LUZP2: variants seen among roughly 807,000 people sequenced by gnomAD.
LUZP2 encodes the protein leucine zipper protein 2.
A neutral mutation model predicts 51.6 loss-of-function variants in LUZP2; 52 were observed. The ratio of observed to expected loss-of-function variants is 1.01; its 90% CI spans 0.81 to 1.27. The LOEUF is 1.27. Among genes scored for constraint, LUZP2 ranks in the 50% most tolerant of loss-of-function variants. The pLI is 0.00. For synonymous variants in LUZP2, 154 were observed against 137.3 expected, an observed-to-expected ratio of 1.12 and a Z score of -0.85; for missense variants, 436 against 395.4, an observed-to-expected ratio of 1.10 and a Z score of -0.87.
chr11:24,502,791 TTGTC>T (rs1303070785), intron 1 of LUZP2, among the ~76,000 whole-genome samples: 3 of 152,190 alleles, frequency 2.0e-5, no homozygotes, highest in Admixed American at 6.5e-5. Flanking sequence ...AAGTGAATAT[TTGTC>T]TGTTTGTATA....
intron 5 of LUZP2, among the ~76,000 whole-genome samples, chr11:24,775,849 T>C (rs972507260): frequency 6.6e-6 from 1 of 152,166 alleles, no homozygotes; most frequent in Non-Finnish European, 1.5e-5. Context: ...GTAAATATTA[T>C]TTTATGTACC....
intron 1 of LUZP2, among the ~76,000 whole-genome samples, chr11:24,687,903 C>T (rs919689123): frequency 1.3e-5 from 2 of 152,094 alleles, no homozygotes; most frequent in Non-Finnish European, 2.9e-5. Context: ...CCTCACTTCT[C>T]TAAGTTCTCT....
intron 9 of LUZP2, among the ~76,000 whole-genome samples, chr11:25,012,866 A>G (rs1245546100): frequency 6.6e-6 from 1 of 152,174 alleles, no homozygotes; most frequent in African/African-American, 2.4e-5. Flanking sequence ...GCATCGCACT[A>G]CTGGGTATCA....
At chr11:24,890,894 C>CTTTTTTTT (rs34323542) in intron 5 of LUZP2, 4 of 690,782 alleles carry the variant, frequency 5.8e-6, no homozygotes, top group Non-Finnish European at 6.8e-6. Flanking sequence ...AGTAAAAGTT[C>CTTTTTTTT]TTTTTTTTTT....
chr11:24,930,056 C>G (rs1342196163), intron 7 of LUZP2, among the ~76,000 whole-genome samples: 1 of 152,118 alleles, frequency 6.6e-6, no homozygotes, highest in Non-Finnish European at 1.5e-5. Flanking sequence ...TACTGTTGTT[C>G]ACTTTTGGTG....
At chr11:24,936,667 G>T (rs1192748907) in intron 7 of LUZP2, among the ~76,000 whole-genome samples, 1 of 151,772 alleles carries the variant, frequency 6.6e-6, no homozygotes, top group Non-Finnish European at 1.5e-5. Flanking sequence ...AAAGTAATGT[G>T]TGTTTTTCCC....
At chr11:24,573,149 T>TA (rs1852496074) in intron 1 of LUZP2, among the ~76,000 whole-genome samples, 1 of 152,006 alleles carries the variant, frequency 6.6e-6, no homozygotes, top group African/African-American at 2.4e-5. Context: ...AGCAGGAAGA[T>TA]ACCAGAGTAA....
At chr11:24,667,825 C>T (rs1856267059) in intron 1 of LUZP2, among the ~76,000 whole-genome samples, 1 of 152,130 alleles carries the variant, frequency 6.6e-6, no homozygotes, top group Non-Finnish European at 1.5e-5. Flanking sequence ...GCAGAATTGA[C>T]CCCTCAGCAA....
intron 9 of LUZP2, among the ~76,000 whole-genome samples, chr11:25,018,975 G>C (rs771145142): frequency 5.9e-5 from 9 of 152,130 alleles, no homozygotes; most frequent in Non-Finnish European, 1.3e-4. Context: ...TGAGCAGAAA[G>C]TAAAGAGAGT....
chr11:24,985,669 G>A (rs1046274000), intron 9 of LUZP2, among the ~76,000 whole-genome samples: 1 of 151,686 alleles, frequency 6.6e-6, no homozygotes, highest in Non-Finnish European at 1.5e-5. Context: ...AAAAGTCCTT[G>A]CATTCATTCA....
chr11:24,632,644 A>G (rs895843099), intron 1 of LUZP2, among the ~76,000 whole-genome samples: 22 of 152,150 alleles, frequency 1.4e-4, no homozygotes, highest in Admixed American at 2.6e-4. Context: ...AGCATCCCCA[A>G]CAAACATTTA....
chr11:24,557,258 T>C (rs574393887), intron 1 of LUZP2, among the ~76,000 whole-genome samples: 10 of 152,154 alleles, frequency 6.6e-5, no homozygotes, highest in Admixed American at 3.3e-4. Context: ...AATAATAATA[T>C]ACATTATTGA....
chr11:24,897,440 C>T (rs1260899948), intron 5 of LUZP2, among the ~76,000 whole-genome samples: 2 of 152,190 alleles, frequency 1.3e-5, no homozygotes. Flanking sequence ...AGCTTAACTT[C>T]TGAGGCCAGC....
chr11:24,997,830 C>G (rs1388967063), intron 9 of LUZP2, among the ~76,000 whole-genome samples: 1 of 152,162 alleles, frequency 6.6e-6, no homozygotes, highest in East Asian at 1.9e-4. Flanking sequence ...TTTTAGCTTT[C>G]TACATATGGC....
At chr11:24,664,708 T>A (rs1259907846) in intron 1 of LUZP2, among the ~76,000 whole-genome samples, 2 of 152,186 alleles carry the variant, frequency 1.3e-5, no homozygotes, top group African/African-American at 2.4e-5. Context: ...TTGCTTCAGA[T>A]GATAAAAGCC....
At chr11:24,829,859 A>T (rs1447202452) in intron 5 of LUZP2, among the ~76,000 whole-genome samples, 1 of 152,212 alleles carries the variant, frequency 6.6e-6, no homozygotes, top group Non-Finnish European at 1.5e-5. Context: ...TTAACAGCTG[A>T]CAATGCCTTC....
chr11:24,517,165 A>G (rs945909573), intron 1 of LUZP2, among the ~76,000 whole-genome samples: 4 of 152,066 alleles, frequency 2.6e-5, no homozygotes, highest in Non-Finnish European at 4.4e-5. Flanking sequence ...TCACCTGTCC[A>G]AAAAACTATT....
intron 1 of LUZP2, among the ~76,000 whole-genome samples, chr11:24,657,364 C>G (rs935299770): frequency 6.6e-6 from 1 of 151,950 alleles, no homozygotes; most frequent in Non-Finnish European, 1.5e-5. Context: ...ACGTTTAGAA[C>G]TAGGATTCAA....
intron 4 of LUZP2, among the ~76,000 whole-genome samples, chr11:24,746,429 G>A (rs1429608896): frequency 6.6e-6 from 1 of 152,168 alleles, no homozygotes; most frequent in African/African-American, 2.4e-5. Flanking sequence ...TGCTGTTAAA[G>A]TAATAGGTTT....
Sources: gnomAD v4.1 joint callset for allele counts (sites outside exome capture counted in the v4.1 genomes callset) on GRCh38, gnomAD v4.1.1 for gene constraint, MANE v1.5 for transcripts, NCBI Gene and HGNC (gene_info 2026-07-23, HGNC 2026-07-21) for gene names.